CECR2: variants seen among roughly 807,000 people sequenced by gnomAD.
CECR2 encodes the protein chromatin remodeling regulator CECR2.
Under a neutral mutation model 154.5 loss-of-function variants are expected in CECR2, and 30 were observed. That is an observed-to-expected ratio of 0.19 (90% CI 0.15 to 0.26). The LOEUF (loss-of-function observed/expected upper bound fraction) is 0.26. Ranked by LOEUF, CECR2 falls within the 10% of genes least tolerant of loss-of-function variation. The probability of loss-of-function intolerance (pLI) is 1.00; values close to 1 mark genes in which losing one functional copy is unlikely to be tolerated. For missense variants in CECR2, 1,743 were observed against 1,829.3 expected (o/e 0.95, Z 0.86); for synonymous variants, 725 against 683.7 (o/e 1.06, Z -0.94).
At chr22:17,434,926 A>G (rs78393607) in intron 1 of CECR2, among the ~76,000 whole-genome samples, 2,647 of 152,228 alleles carry the variant, frequency 0.017, 79 homozygotes, top group African/African-American at 0.059. Context: ...AGGAACACAC[A>G]TGGGGTATTG....
At chr22:17,421,712 G>T (rs536378903) in intron 1 of CECR2, among the ~76,000 whole-genome samples, 37 of 146,902 alleles carry the variant, frequency 2.5e-4, no homozygotes, top group African/African-American at 8.3e-4. Context: ...AGAATTGCTT[G>T]AACCCGGGAG....
At chr22:17,398,901 G>A (rs1002227158) in intron 1 of CECR2, among the ~76,000 whole-genome samples, 3 of 152,200 alleles carry the variant, frequency 2.0e-5, no homozygotes, top group African/African-American at 7.2e-5. Context: ...GGAGTCATAA[G>A]TAGTAAAGTA....
chr22:17,426,976 C>T (rs1273425684), intron 1 of CECR2, among the ~76,000 whole-genome samples: 2 of 152,074 alleles, frequency 1.3e-5, no homozygotes, highest in East Asian at 3.9e-4. Context: ...TCATCATTTA[C>T]ATTAGGTATT....
chr22:17,453,878 T>G (rs2054811413), intron 1 of CECR2, among the ~76,000 whole-genome samples: 1 of 152,188 alleles, frequency 6.6e-6, no homozygotes, highest in South Asian at 2.1e-4. Context: ...GAAATTAAAT[T>G]TATGTTCAAG....
intron 1 of CECR2, among the ~76,000 whole-genome samples, chr22:17,452,125 T>C (rs1212075791): frequency 1.3e-5 from 2 of 152,182 alleles, no homozygotes; most frequent in Non-Finnish European, 2.9e-5. Flanking sequence ...CAGCCTGGAG[T>C]GCAGTGGCAC....
intron 1 of CECR2, among the ~76,000 whole-genome samples, chr22:17,395,592 G>T (rs1325363184): frequency 6.6e-6 from 1 of 152,054 alleles, no homozygotes; most frequent in Admixed American, 6.6e-5. Context: ...TGATATGCCC[G>T]CCTCAGCCCT....
rs1357359366 is a variant in CECR2, at chr22:17,548,466, A to C, written c.3179A>C (p.Glu1060Ala). The stretch of plus-strand genomic sequence containing the variant: ...CTATCCGAGAACGGAGTCATTGGGG[A>C]AGCATCTCCTTGTGGATCGGAGGGG... ...GALSENGVIG[E>A]ASPCGSEGKG... is the part of the protein sequence containing the mutation. The change falls in exon 17 of 19, where the codon GAA becomes GCA. Residue 1060 changes from glutamate (E) to alanine (A), a missense_variant. Glu to Ala is a moderately radical substitution (Grantham distance 107, BLOSUM62 -1). This residue lies in a region of CECR2 where 1,250 missense variants were observed against 1,192.1 expected (regional missense o/e 1.05). Transcript: ENST00000262608. 6 of 1,613,902 alleles carry C rather than the reference A, an allele frequency of 3.7e-6. 1 individual carries two copies. The South Asian group carries it at 6.6e-5, about 18-fold the overall frequency.
Position 17,540,630 on chromosome 22 carries a change from A to C in CECR2, c.1714A>C (p.Asn572His). Residue 572 changes from asparagine to histidine, a missense_variant, in exon 14 of 19, where the codon AAT (asparagine) becomes CAT (histidine). Asn to His is a moderately conservative substitution (Grantham distance 68). Transcript: ENST00000262608. ...GSSRKQQPMENGGKSLPPTRR... is the reference protein window; with the variant it reads ...GSSRKQQPMEHGGKSLPPTRR... ...CAGCAGGAAACAGCAGCCCATGGAG[A>C]ATGGAGGAAAGTCGTTGCCCCCCAC... The C allele has an allele frequency of 6.2e-7, 1 of 1,613,820 alleles. No individual in the cohort carries two copies. The highest frequency in any genetic ancestry group is 8.5e-7 in the Non-Finnish European group (1 of 1,179,848).
chr22:17,493,563 A>G (rs2055568547), intron 2 of CECR2, among the ~76,000 whole-genome samples: 1 of 152,214 alleles, frequency 6.6e-6, no homozygotes, highest in Non-Finnish European at 1.5e-5. Context: ...ATACAAGGAA[A>G]TGGAATTGTC....
intron 1 of CECR2, among the ~76,000 whole-genome samples, chr22:17,413,224 CAA>C (rs1003409084): frequency 1.3e-5 from 2 of 152,106 alleles, no homozygotes; most frequent in African/African-American, 4.8e-5. Context: ...CAGAGGAGAA[CAA>C]AGAGAGCAGG....
intron 9 of CECR2, 95 bp from the exon 10 acceptor site, chr22:17,537,008 T>C: frequency 6.9e-7 from 1 of 1,455,048 alleles, no homozygotes. Flanking sequence ...CCTGCTTTGG[T>C]GGCCTGGTTC....
At chr22:17,488,182 C>A (rs544133379) in intron 2 of CECR2, among the ~76,000 whole-genome samples, 14 of 152,298 alleles carry the variant, frequency 9.2e-5, no homozygotes, top group African/African-American at 3.4e-4. Context: ...CGCACCCGGC[C>A]TCATTTAATT....
At chr22:17,416,549 G>C (rs919450841) in intron 1 of CECR2, among the ~76,000 whole-genome samples, 1 of 152,196 alleles carries the variant, frequency 6.6e-6, no homozygotes, top group Non-Finnish European at 1.5e-5. Flanking sequence ...TTTTGAGACA[G>C]AGTCTTGCTC....
chr22:17,519,877 G>A (rs959904765), intron 8 of CECR2, among the ~76,000 whole-genome samples: 1 of 149,110 alleles, frequency 6.7e-6, no homozygotes, highest in African/African-American at 2.5e-5. Flanking sequence ...TGCAACCTCC[G>A]CCTCCCAGGT....
upstream of CECR2, among the ~76,000 whole-genome samples, chr22:17,367,315 TGA>T (rs2063007412): frequency 6.6e-6 from 1 of 152,088 alleles, no homozygotes. Flanking sequence ...TGGTGACAAC[TGA>T]GAGGCGAGGG....
chr22:17,405,066 G>A (rs1419820944), intron 1 of CECR2, among the ~76,000 whole-genome samples: 1 of 152,076 alleles, frequency 6.6e-6, no homozygotes, highest in African/African-American at 2.4e-5. Context: ...CCCATCTTTT[G>A]TCAGATTTAT....
intron 1 of CECR2, among the ~76,000 whole-genome samples, chr22:17,392,349 A>C (rs1380183601): frequency 6.6e-6 from 1 of 151,864 alleles, no homozygotes; most frequent in African/African-American, 2.4e-5. Context: ...AATTACAGGC[A>C]TGGTGGTGCA....
At chr22:17,504,684 G>A (rs539637910) in intron 6 of CECR2, among the ~76,000 whole-genome samples, 163 bp from the exon 7 acceptor site, 4 of 149,260 alleles carry the variant, frequency 2.7e-5, no homozygotes, top group East Asian at 2.0e-4. Flanking sequence ...CTCGTGATCC[G>A]CCCGCCTCGG....
intron 1 of CECR2, among the ~76,000 whole-genome samples, chr22:17,474,533 A>C (rs1450081704): frequency 2.0e-5 from 3 of 152,080 alleles, no homozygotes. Context: ...AAGAAAAGGC[A>C]CTCCTGACAT....
Sources: allele counts gnomAD v4.1 joint callset (sites outside exome capture counted in the v4.1 genomes callset), GRCh38; gene constraint gnomAD v4.1.1; regional missense constraint gnomAD v4.1.1; transcripts MANE v1.5; gene names NCBI Gene and HGNC (gene_info 2026-07-23, HGNC 2026-07-21).